The following USP15 variants were observed in gnomAD, a reference collection of about 807,000 sequenced individuals.
The protein encoded by USP15 is ubiquitin carboxyl-terminal hydrolase 15.
In USP15, 18 loss-of-function variants were observed where a neutral mutation model predicts 127.1. That is an observed-to-expected ratio of 0.14 (90% CI 0.10 to 0.21). The LOEUF (loss-of-function observed/expected upper bound fraction) is 0.21. Ranked by LOEUF, USP15 falls within the 10% of genes least tolerant of loss-of-function variation. The pLI is 1.00. For synonymous variants in USP15, 364 were observed against 393.7 expected (o/e 0.92, Z 0.89); for missense variants, 805 against 1,159.9 (o/e 0.69, Z 4.44).
chr12:62,281,778 A>G (rs1441927258), intron 1 of USP15, among the ~76,000 whole-genome samples: 6 of 152,212 alleles, frequency 3.9e-5, no homozygotes, highest in African/African-American at 1.4e-4. Flanking sequence ...AAAGTCTCCT[A>G]TCATAATAGT....
At chr12:62,338,466 A>G (rs1396366374) in intron 6 of USP15, among the ~76,000 whole-genome samples, 1 of 151,840 alleles carries the variant, frequency 6.6e-6, no homozygotes, top group African/African-American at 2.4e-5. Context: ...CCTGTGTAGA[A>G]GCTCTTTAGT....
chr12:62,361,371 T>G (rs1375938106), intron 8 of USP15, among the ~76,000 whole-genome samples: 1 of 152,044 alleles, frequency 6.6e-6, no homozygotes, highest in Non-Finnish European at 1.5e-5. Context: ...TTTTATGTGT[T>G]TATCTGTCCC....
At chr12:62,348,048 T>A (rs1012558713) in intron 6 of USP15, among the ~76,000 whole-genome samples, 30 of 151,876 alleles carry the variant, frequency 2.0e-4, no homozygotes, top group African/African-American at 7.2e-4. Flanking sequence ...GCAAAAAAAA[T>A]TTGTTTTTAA....
At chr12:62,364,793 T>C (rs987706429) in intron 8 of USP15, among the ~76,000 whole-genome samples, 1 of 152,038 alleles carries the variant, frequency 6.6e-6, no homozygotes, top group Admixed American at 6.6e-5. Flanking sequence ...CTCCCACTTA[T>C]GAGTGAGAAC....
intron 6 of USP15, among the ~76,000 whole-genome samples, chr12:62,337,894 G>T (rs1218758632): frequency 3.3e-5 from 5 of 152,182 alleles, no homozygotes; most frequent in Admixed American, 3.3e-4. Context: ...TGGAGATTTG[G>T]GTTGGTTCCA....
intron 6 of USP15, among the ~76,000 whole-genome samples, chr12:62,339,063 T>A (rs2065571018): frequency 6.6e-6 from 1 of 151,702 alleles, no homozygotes; most frequent in South Asian, 2.1e-4. Flanking sequence ...CTTTGGGCAA[T>A]GTGGCCATTT....
intron 6 of USP15, among the ~76,000 whole-genome samples, chr12:62,343,146 C>G (rs1437920788): frequency 7.9e-5 from 12 of 152,188 alleles, no homozygotes; most frequent in Admixed American, 7.2e-4. Flanking sequence ...AGCAGTCTGG[C>G]CACAGCCACT....
intron 6 of USP15, among the ~76,000 whole-genome samples, chr12:62,326,185 G>A (rs933567093): frequency 5.3e-5 from 8 of 152,112 alleles, no homozygotes; most frequent in Admixed American, 1.3e-4. Flanking sequence ...AGAAAGTTGC[G>A]TTGTCTGATA....
intron 18 of USP15, 92 bp from the exon 19 acceptor site, chr12:62,392,961 G>A: frequency 7.0e-7 from 1 of 1,438,170 alleles, no homozygotes; most frequent in Non-Finnish European, 9.5e-7. Context: ...CTGAATAAAT[G>A]TAGAACTTTC....
Position 62,260,413 on chromosome 12 carries a change from A to T in USP15, c.-2A>T. 6.4e-7 allele frequency: 1 copy of T among 1,550,898 alleles called. No individual in the cohort carries two copies. The highest frequency in any genetic ancestry group is 8.7e-7 in the Non-Finnish European group (1 of 1,147,350). On this transcript the variant is annotated 5_prime_UTR_variant, in exon 1 of 22. The change creates a new upstream start codon in the 5' untranslated region. Coordinates refer to ENST00000280377, the MANE Select transcript of USP15 (RefSeq NM_001252078.2). ...CACCTCCCCTACCGCTAGTGGAAGA[A>T]GATGGCGGAAGGCGGAGCGGCGGAT...
chr12:62,316,829 C>G (rs1464223091), intron 4 of USP15, among the ~76,000 whole-genome samples: 1 of 151,926 alleles, frequency 6.6e-6, no homozygotes, highest in Non-Finnish European at 1.5e-5. Context: ...GAATTTGTCA[C>G]GAAGATATGT....
At chr12:62,262,607 A>C (rs577832912) in intron 1 of USP15, among the ~76,000 whole-genome samples, 5 of 144,508 alleles carry the variant, frequency 3.5e-5, no homozygotes, top group African/African-American at 1.3e-4. Flanking sequence ...GGTATTTTCA[A>C]ATAAGTATAT....
chr12:62,264,449 G>A (rs930436288), intron 1 of USP15, among the ~76,000 whole-genome samples: 1 of 152,184 alleles, frequency 6.6e-6, no homozygotes, highest in African/African-American at 2.4e-5. Flanking sequence ...GTAATGTGTA[G>A]TTAACTTTTG....
At chr12:62,301,722 A>G (rs1489824360) in intron 2 of USP15, among the ~76,000 whole-genome samples, 1 of 152,180 alleles carries the variant, frequency 6.6e-6, no homozygotes, top group African/African-American at 2.4e-5. Context: ...AATAAGTAAC[A>G]TTCTCTTAAT....
chr12:62,392,163 T>C (rs2067347013), intron 17 of USP15, 109 bp from the exon 18 acceptor site: 4 of 801,350 alleles, frequency 5.0e-6, no homozygotes. Flanking sequence ...AGCTTTATGA[T>C]TCTTTTGAGA....
At chr12:62,297,539 G>C (rs1306775923) in intron 2 of USP15, among the ~76,000 whole-genome samples, 1 of 149,312 alleles carries the variant, frequency 6.7e-6, no homozygotes, top group Non-Finnish European at 1.5e-5. Context: ...ACCAGAAGGA[G>C]GAAGAGATTA....
At chr12:62,272,678 A>G (rs1246123622) in intron 1 of USP15, among the ~76,000 whole-genome samples, 2 of 152,014 alleles carry the variant, frequency 1.3e-5, no homozygotes, top group Non-Finnish European at 2.9e-5. Flanking sequence ...TTCATATAGT[A>G]GCTTTACTGC....
intron 3 of USP15, among the ~76,000 whole-genome samples, chr12:62,311,966 G>C (rs921974699): frequency 6.6e-6 from 1 of 151,724 alleles, no homozygotes; most frequent in Admixed American, 6.6e-5. Flanking sequence ...TTGAGTCTTT[G>C]TTTCTGAATA....
chr12:62,304,828 C>T, intron 3 of USP15: 1 of 194,294 alleles, frequency 5.1e-6, no homozygotes, highest in Non-Finnish European at 1.1e-5. Context: ...GCTTATTATG[C>T]TTAAAAAAAA....
Sources: allele counts gnomAD v4.1 joint callset (sites outside exome capture counted in the v4.1 genomes callset), GRCh38; gene constraint gnomAD v4.1.1; transcripts MANE v1.5; gene names NCBI Gene and HGNC (gene_info 2026-07-23, HGNC 2026-07-21).